The following LRRC4C variants were observed in gnomAD, a reference collection of about 807,000 sequenced individuals.
LRRC4C encodes leucine rich repeat containing 4C.
Under a neutral mutation model 33.6 loss-of-function variants are expected in LRRC4C, and 5 were observed. The observed-to-expected ratio is 0.15, with a 90% CI of 0.08 to 0.31. The LOEUF is 0.31. Ranked by LOEUF, LRRC4C falls within the 10% of genes least tolerant of loss-of-function variation. The pLI, the probability that LRRC4C is intolerant of heterozygous loss-of-function variation, is 1.00. For missense variants in LRRC4C, 560 were observed against 796.7 expected (o/e 0.70, Z 3.58); for synonymous variants, 329 against 302.0 (o/e 1.09, Z -0.93).
At chr11:40,410,770 G>A (rs554199643) in intron 3 of LRRC4C, among the ~76,000 whole-genome samples, 10 of 152,250 alleles carry the variant, frequency 6.6e-5, no homozygotes, top group East Asian at 1.9e-4. Flanking sequence ...ATCCAGTAAC[G>A]TAGGTGTTGC....
chr11:40,611,725 A>G (rs1230796020), intron 3 of LRRC4C, among the ~76,000 whole-genome samples: 1 of 151,816 alleles, frequency 6.6e-6, no homozygotes, highest in Non-Finnish European at 1.5e-5. Flanking sequence ...GACCTTTCTC[A>G]AAAAAAGACA....
chr11:41,056,391 A>T (rs1858623265), intron 1 of LRRC4C, among the ~76,000 whole-genome samples: 1 of 152,210 alleles, frequency 6.6e-6, no homozygotes, highest in Non-Finnish European at 1.5e-5. Flanking sequence ...AAGCAATTAC[A>T]ATAAAAACAA....
intron 1 of LRRC4C, among the ~76,000 whole-genome samples, chr11:41,340,441 T>A (rs992939049): frequency 6.6e-6 from 1 of 152,188 alleles, no homozygotes; most frequent in Non-Finnish European, 1.5e-5. Flanking sequence ...ACAAATAAAG[T>A]CTTAATCGGA....
At chr11:40,681,588 T>C (rs1456305601) in intron 2 of LRRC4C, among the ~76,000 whole-genome samples, 1 of 151,512 alleles carries the variant, frequency 6.6e-6, no homozygotes, top group Non-Finnish European at 1.5e-5. Flanking sequence ...TGAGAAGGAG[T>C]TTAATAAATA....
intron 3 of LRRC4C, among the ~76,000 whole-genome samples, chr11:40,600,379 T>G (rs1274127018): frequency 6.6e-6 from 1 of 152,176 alleles, no homozygotes; most frequent in Non-Finnish European, 1.5e-5. Context: ...AACAAATGAA[T>G]TGTAGTATAC....
At chr11:41,429,341 A>T (rs184742528) in intron 1 of LRRC4C, among the ~76,000 whole-genome samples, 50 of 152,242 alleles carry the variant, frequency 3.3e-4, no homozygotes, top group African/African-American at 1.1e-3. Context: ...TATTAGCAGC[A>T]TGAGGACGGA....
intron 3 of LRRC4C, among the ~76,000 whole-genome samples, chr11:40,523,113 T>C (rs1390266199): frequency 6.6e-6 from 1 of 152,172 alleles, no homozygotes; most frequent in African/African-American, 2.4e-5. Flanking sequence ...TTATGAGAAA[T>C]CACCATATTG....
At chr11:40,673,657 C>T (rs545162973) in intron 2 of LRRC4C, among the ~76,000 whole-genome samples, 16 of 152,118 alleles carry the variant, frequency 1.1e-4, no homozygotes, top group South Asian at 6.2e-4. Flanking sequence ...TTTAATGGAA[C>T]GTTTAAGCAC....
intron 2 of LRRC4C, among the ~76,000 whole-genome samples, chr11:40,842,834 T>C (rs1952972345): frequency 6.6e-6 from 1 of 152,162 alleles, no homozygotes; most frequent in African/African-American, 2.4e-5. Context: ...CCATCTTGTG[T>C]CCCACCTAAA....
intron 1 of LRRC4C, among the ~76,000 whole-genome samples, chr11:41,205,346 C>A (rs553786845): frequency 6.6e-6 from 1 of 152,138 alleles, no homozygotes; most frequent in Non-Finnish European, 1.5e-5. Flanking sequence ...GGAGAATGTG[C>A]TGTTAAATGG....
intron 2 of LRRC4C, among the ~76,000 whole-genome samples, chr11:40,825,646 A>G (rs763742577): frequency 1.3e-4 from 20 of 151,958 alleles, no homozygotes; most frequent in Non-Finnish European, 2.8e-4. Context: ...GCTGGTTTGG[A>G]CCTGGCCTTC....
chr11:40,821,258 T>C (rs1951915477), intron 2 of LRRC4C, among the ~76,000 whole-genome samples: 1 of 151,680 alleles, frequency 6.6e-6, no homozygotes, highest in Admixed American at 6.6e-5. Context: ...TCTACCAAAA[T>C]TCCCATGCAC....
At chr11:40,873,685 T>C (rs566141532) in intron 2 of LRRC4C, among the ~76,000 whole-genome samples, 9 of 152,282 alleles carry the variant, frequency 5.9e-5, no homozygotes, top group African/African-American at 2.2e-4. Context: ...GATTAGACAA[T>C]TGAGGTAGTA....
At chr11:41,262,271 C>T (rs1949007171) in intron 1 of LRRC4C, among the ~76,000 whole-genome samples, 1 of 152,018 alleles carries the variant, frequency 6.6e-6, no homozygotes, top group Non-Finnish European at 1.5e-5. Flanking sequence ...GCTGCTTACA[C>T]AGTACAACTA....
At chr11:41,333,680 A>AT (rs1316382606) in intron 1 of LRRC4C, among the ~76,000 whole-genome samples, 1 of 152,084 alleles carries the variant, frequency 6.6e-6, no homozygotes, top group Non-Finnish European at 1.5e-5. Context: ...ATTCAGTGAT[A>AT]TTTTTGCAGG....
intron 2 of LRRC4C, among the ~76,000 whole-genome samples, chr11:40,765,124 G>A (rs1005750168): frequency 2.0e-5 from 3 of 152,152 alleles, no homozygotes; most frequent in African/African-American, 7.2e-5. Context: ...AAAGTGATAT[G>A]GTTTAGTTCT....
Position 41,149,798 on chromosome 11 carries a change from A to G in LRRC4C, c.-495-216075T>C, listed in dbSNP as rs151026012. On this transcript the variant is annotated intron_variant, in intron 1 of 6. Coordinates refer to ENST00000528697, the MANE Select transcript of LRRC4C (RefSeq NM_001258419.2). ...GAAGTGGAGGGAGTAGTCAGCAAAC[A>G]GGAGTTAAGAGTAGTTGGAAAAGCA... Among the ~76,000 whole-genome samples the G allele has an allele frequency of 3.5e-4, 53 of 152,290 alleles. 1 individual carries two copies. The East Asian group carries it at 9.9e-3, about 28-fold the overall frequency.
At chr11:40,736,465 A>G (rs1222389547) in intron 2 of LRRC4C, among the ~76,000 whole-genome samples, 1 of 152,152 alleles carries the variant, frequency 6.6e-6, no homozygotes, top group Non-Finnish European at 1.5e-5. Flanking sequence ...ACAGTGCTGC[A>G]ATAAACATAC....
At chr11:40,932,857 A>G (rs527341244) in intron 2 of LRRC4C, among the ~76,000 whole-genome samples, 50 of 152,314 alleles carry the variant, frequency 3.3e-4, no homozygotes, top group African/African-American at 1.2e-3. Flanking sequence ...TCAGGACTAG[A>G]TGCGGTCAGA....
Sources: allele counts gnomAD v4.1 joint callset (sites outside exome capture counted in the v4.1 genomes callset), GRCh38; gene constraint gnomAD v4.1.1; transcripts MANE v1.5; gene names NCBI Gene and HGNC (gene_info 2026-07-23, HGNC 2026-07-21).